Variants in YEATS4 observed in about 807,000 individuals in gnomAD.
YEATS4 encodes YEATS domain-containing protein 4.
YEATS4 carries 17 observed loss-of-function variants against 30.1 expected under a neutral mutation model. The observed-to-expected ratio is 0.56, with a 90% CI of 0.39 to 0.85. The LOEUF (loss-of-function observed/expected upper bound fraction) is 0.85, where lower values mean the gene tolerates loss of function less well. YEATS4 is among the 40% of genes least tolerant of loss of function. YEATS4 has a pLI of 0.00. For missense variants in YEATS4, 142 were observed against 268.3 expected (o/e 0.53, Z 3.29); for synonymous variants, 85 against 87.5 (o/e 0.97, Z 0.16).
chr12:69,426,129 A>C, the YEATS4 span, among the ~76,000 whole-genome samples: 1 of 152,066 alleles, frequency 6.6e-6, no homozygotes, highest in Non-Finnish European at 1.5e-5. Context: ...GTAGACCCAA[A>C]TACTTGGGAA....
the YEATS4 span, among the ~76,000 whole-genome samples, chr12:69,417,214 G>A: frequency 1.5e-5 from 2 of 137,574 alleles, no homozygotes; most frequent in East Asian, 2.1e-4. Context: ...CTGGAGTGCA[G>A]TGGTATGATC....
At position 69,359,971 on chromosome 12, in the gene YEATS4, A is replaced by C. The variant is rs985273413; in HGVS notation, c.-2A>C. The C allele has an allele frequency of 1.2e-6, 2 of 1,612,554 alleles. No individual in the cohort carries two copies. Among genetic ancestry groups the C allele is most frequent in the African/African-American group, 2.7e-5 (2 of 74,804 alleles). ...CGGCGGCGGCTTCTTCCGTGGGACA[A>C]TATGTTCAAGAGAATGGCCGAATTT... On this transcript the variant is annotated 5_prime_UTR_variant, in exon 1 of 7. Coordinates refer to ENST00000247843, the MANE Select transcript of YEATS4 (RefSeq NM_006530.4).
intron 6 of YEATS4, among the ~76,000 whole-genome samples, chr12:69,371,197 G>A (rs1250433461): frequency 3.3e-5 from 5 of 152,278 alleles, no homozygotes; most frequent in Non-Finnish European, 5.9e-5. Flanking sequence ...TCTTACATTC[G>A]CTGAAGTACT....
chr12:69,403,824 G>GT, the YEATS4 span, among the ~76,000 whole-genome samples: 1 of 152,122 alleles, frequency 6.6e-6, no homozygotes, highest in East Asian at 1.9e-4. Flanking sequence ...CAAACAAGCA[G>GT]TTTTCAGGGC....
At chr12:69,374,827 A>C (rs1444546731) in intron 6 of YEATS4, among the ~76,000 whole-genome samples, 1 of 151,718 alleles carries the variant, frequency 6.6e-6, no homozygotes, top group Non-Finnish European at 1.5e-5. Flanking sequence ...TTTTCCCCAC[A>C]TTTCCCCCTT....
At chr12:69,383,624 T>A (rs1876164292) in intron 6 of YEATS4, among the ~76,000 whole-genome samples, 2 of 152,086 alleles carry the variant, frequency 1.3e-5, no homozygotes, top group African/African-American at 4.8e-5. Context: ...AACTAGAGAG[T>A]GTCTCATACT....
the YEATS4 span, among the ~76,000 whole-genome samples, chr12:69,396,042 A>G: frequency 6.6e-6 from 1 of 152,026 alleles, no homozygotes; most frequent in Admixed American, 6.5e-5. Context: ...CCTCATGTCA[A>G]TCCCCAACTC....
intron 6 of YEATS4, among the ~76,000 whole-genome samples, chr12:69,387,821 T>C (rs1191989398): frequency 6.6e-6 from 1 of 152,210 alleles, no homozygotes; most frequent in Non-Finnish European, 1.5e-5. Context: ...TGATTGGTCA[T>C]GGCAGGCTGG....
At chr12:69,377,981 C>T (rs1287277345) in intron 6 of YEATS4, among the ~76,000 whole-genome samples, 3 of 152,156 alleles carry the variant, frequency 2.0e-5, no homozygotes, top group Non-Finnish European at 4.4e-5. Flanking sequence ...GGGTCTATCT[C>T]TCTTAAACTC....
the YEATS4 span, among the ~76,000 whole-genome samples, chr12:69,408,487 C>A: frequency 1.3e-5 from 2 of 151,974 alleles, no homozygotes; most frequent in Non-Finnish European, 2.9e-5. Context: ...CATGTGCGTG[C>A]GTGTGTGTGT....
At position 69,390,366 on chromosome 12, in the gene YEATS4, C is replaced by G; in HGVS notation, c.*50C>G. ...TAAGCTAAACTGAAAATAAGGTGGGCTTCACTGGAGAAATGGACTTACTGC... is the reference window on the plus strand; with the variant it reads ...TAAGCTAAACTGAAAATAAGGTGGGGTTCACTGGAGAAATGGACTTACTGC... On this transcript the variant is annotated 3_prime_UTR_variant, in exon 7 of 7. Coordinates refer to ENST00000247843, the MANE Select transcript of YEATS4 (RefSeq NM_006530.4). The G allele has an allele frequency of 6.8e-7, 1 of 1,475,462 alleles. No individual in the cohort carries two copies. The allele number at this position is 1,475,462 out of a possible 1,614,324, so 91.4% of individuals were successfully genotyped here.
In YEATS4 at chr12:69,364,209, A is replaced by G. The variant is rs577223017; in HGVS notation, c.171+1302A>G. On this transcript the variant is annotated intron_variant, in intron 2 of 6. Transcript: ENST00000247843. Reference sequence around the variant, plus strand: ...GGCTCATTCCTGTAATCTCAGCACTATGGGAGGCCCAAGCGGGAGGATCGC... The same window carrying G: ...GGCTCATTCCTGTAATCTCAGCACTGTGGGAGGCCCAAGCGGGAGGATCGC... The G allele has an allele frequency of 1.3e-4, 58 of 448,022 alleles. 1 individual carries two copies. The highest frequency in any genetic ancestry group is 8.3e-4 in the South Asian group (53 of 63,906). The allele number at this position is 448,022 out of a possible 1,614,324, so 27.8% of individuals were successfully genotyped here.
At chr12:69,409,518 G>A in the YEATS4 span, among the ~76,000 whole-genome samples, 1 of 151,924 alleles carries the variant, frequency 6.6e-6, no homozygotes, top group Non-Finnish European at 1.5e-5. Context: ...TCGGGAGGCT[G>A]AGGCAGGAGA....
At chr12:69,425,920 G>C in the YEATS4 span, among the ~76,000 whole-genome samples, 25 of 152,250 alleles carry the variant, frequency 1.6e-4, no homozygotes, top group African/African-American at 5.5e-4. Flanking sequence ...ACTCACTCTT[G>C]CTGCCCTGGA....
chr12:69,375,396 A>G (rs866908050), intron 6 of YEATS4, among the ~76,000 whole-genome samples: 1 of 148,008 alleles, frequency 6.8e-6, no homozygotes, highest in African/African-American at 2.5e-5. Flanking sequence ...ACGGCCGGGA[A>G]GAGGCGCTCC....
At position 69,380,832 on chromosome 12, in the gene YEATS4, G is replaced by A. The variant is rs559299505; in HGVS notation, c.515-9315G>A. On this transcript the variant is annotated intron_variant, in intron 6 of 6. Transcript: ENST00000247843. ...GTGTCCAGGGGAGACATCACATGTC[G>A]GCAGGTTCCATGATGCCCCACAAGC... 1.3e-4 allele frequency among the ~76,000 whole-genome samples: 20 copies of A among 152,218 alleles called. No homozygotes were observed. The South Asian group carries it at 3.1e-3, about 24-fold the overall frequency.
chr12:69,419,477 C>T, the YEATS4 span, among the ~76,000 whole-genome samples: 11 of 152,086 alleles, frequency 7.2e-5, no homozygotes, highest in African/African-American at 2.4e-4. Context: ...CTGCGTTGGC[C>T]TCCCAAAGTA....
At chr12:69,421,834 T>C in the YEATS4 span, among the ~76,000 whole-genome samples, 222 of 152,288 alleles carry the variant, frequency 1.5e-3, no homozygotes, top group African/African-American at 5.1e-3. Context: ...TGTGTGACCT[T>C]TATGGAAAAG....
At chr12:69,369,169 C>G (rs1273585667) in intron 4 of YEATS4, among the ~76,000 whole-genome samples, 1 of 152,136 alleles carries the variant, frequency 6.6e-6, no homozygotes, top group African/African-American at 2.4e-5. Flanking sequence ...TACCTGTTCT[C>G]AATTCCTCTA....
Sources: gnomAD v4.1 joint callset for allele counts (sites outside exome capture counted in the v4.1 genomes callset) on GRCh38, gnomAD v4.1.1 for gene constraint, MANE v1.5 for transcripts, NCBI Gene and HGNC (gene_info 2026-07-23, HGNC 2026-07-21) for gene names.